The following MAP6D1 variants were observed in gnomAD, a reference collection of about 807,000 sequenced individuals.
MAP6D1 encodes MAP6 domain-containing protein 1.
Under a neutral mutation model 17.4 loss-of-function variants are expected in MAP6D1, and 13 were observed. That is an observed-to-expected ratio of 0.75 (90% CI 0.49 to 1.19). The LOEUF is 1.19. Ranked by LOEUF, MAP6D1 falls within the 50% of genes most tolerant of loss-of-function variation. The pLI is 0.00. For missense variants in MAP6D1, 313 were observed against 312.6 expected (o/e 1.00, Z -0.01); for synonymous variants, 141 against 145.7 (o/e 0.97, Z 0.23).
chr3:183,820,015 GC>G (rs1416337071), intron 1 of MAP6D1: 2 of 152,388 alleles, frequency 1.3e-5, no homozygotes, highest in African/African-American at 4.8e-5. Context: ...TTCAGAGGGG[GC>G]CTGTCAGGTG....
intron 1 of MAP6D1, among the ~76,000 whole-genome samples, chr3:183,818,417 G>A (rs377766619): frequency 1.1e-4 from 16 of 152,212 alleles, no homozygotes; most frequent in African/African-American, 2.9e-4. Flanking sequence ...GCAGGCGAGC[G>A]GCAGGGTCAG....
At position 183,821,147 on chromosome 3, in the gene MAP6D1, G is replaced by A. The variant is rs115311417; in HGVS notation, c.402-3036C>T. On this transcript the variant is annotated intron_variant, in intron 1 of 2. Transcript: ENST00000318631. ...CTGACCCACCTGAATTTACACACCA[G>A]GAGGTAAGAACCCCAACAAGCCCCG... is the stretch of plus-strand genomic sequence containing the variant. 9.0e-3 allele frequency among the ~76,000 whole-genome samples: 1,366 copies of A among 151,986 alleles called. 12 individuals carry two copies. Among genetic ancestry groups the A allele is most frequent in the Middle Eastern group, 0.044 (13 of 294 alleles).
intron 2 of MAP6D1, 60 bp from the exon 3 acceptor site, chr3:183,817,496 C>T (rs1485391929): frequency 7.0e-7 from 1 of 1,434,428 alleles, no homozygotes; most frequent in Admixed American, 2.0e-5. Flanking sequence ...CTACTCTTCC[C>T]CACTACCCAG....
Position 183,823,339 on chromosome 3 carries a change from T to C in MAP6D1, c.401+1808A>G, listed in dbSNP as rs187564304. 9.0e-3 allele frequency among the ~76,000 whole-genome samples: 1,364 copies of C among 150,814 alleles called. 12 individuals are homozygous for C. Among genetic ancestry groups the C allele is most frequent in the Middle Eastern group, 0.044 (13 of 294 alleles). ...TCCCTCATCCGGGCATGGTGGCTCA[T>C]GCCTGTAATCCCAGCACTTTGGGAG... On this transcript the variant is annotated intron_variant, in intron 1 of 2. Transcript: ENST00000318631.
intron 1 of MAP6D1, among the ~76,000 whole-genome samples, chr3:183,818,413 G>A (rs996215736): frequency 7.9e-5 from 12 of 152,204 alleles, no homozygotes; most frequent in South Asian, 2.1e-4. Flanking sequence ...CACTGCAGGC[G>A]AGCGGCAGGG....
Position 183,817,246 on chromosome 3 carries a change from C to T in MAP6D1, c.*110G>A. 8.2e-6 allele frequency: 9 copies of T among 1,094,932 alleles called. No individual in the cohort carries two copies. The highest frequency in any genetic ancestry group is 1.2e-5 in the Non-Finnish European group (9 of 741,572). 67.8% of individuals were successfully genotyped at this position (1,094,932 alleles called of 1,614,324 possible). A position where few individuals can be genotyped will look rare whatever the true frequency, so the allele number is the denominator to read the frequency against. ...GGTGACAGCTTTGAGAGGGGCTGTGCCCTCCCGCAGGGGCCCATGCCATGC... is the reference window on the plus strand; with the variant it reads ...GGTGACAGCTTTGAGAGGGGCTGTGTCCTCCCGCAGGGGCCCATGCCATGC... On this transcript the variant is annotated 3_prime_UTR_variant, in exon 3 of 3. Transcript: ENST00000318631.
chr3:183,820,727 G>A (rs139153796), intron 1 of MAP6D1, among the ~76,000 whole-genome samples: 1,359 of 133,222 alleles, frequency 0.01, 12 homozygotes, highest in Middle Eastern at 0.051. Flanking sequence ...GTGAAACCCC[G>A]TCTCTAGTAA....
chr3:183,825,209 G>T lies in MAP6D1; in HGVS notation c.339C>A (p.Arg113=). The T allele has an allele frequency of 6.9e-7, 1 of 1,438,976 alleles. No homozygotes were observed. The allele number at this position is 1,438,976 out of a possible 1,614,324, so 89.1% of individuals were successfully genotyped here. Reference sequence around the variant, plus strand: ...CGCCGATGGGCAGCACGTAGACCCCGCGGGCGCCGGGCGCAGGTGGCGCGG... The same window carrying T: ...CGCCGATGGGCAGCACGTAGACCCCTCGGGCGCCGGGCGCAGGTGGCGCGG... The part of the protein sequence containing the change: ...QSSAPPAPGA[R]GVYVLPIGDA... Residue 113 remains arginine (R), a synonymous_variant, in exon 1 of 3, where the codon CGC becomes CGA. Coordinates refer to ENST00000318631, the MANE Select transcript of MAP6D1 (RefSeq NM_024871.4).
chr3:183,818,836 G>A (rs1577250190), intron 1 of MAP6D1, among the ~76,000 whole-genome samples: 1 of 152,182 alleles, frequency 6.6e-6, no homozygotes, highest in Non-Finnish European at 1.5e-5. Flanking sequence ...CCTGTGGCGG[G>A]GAGGGTGGTG....
chr3:183,822,687 T>C (rs1727288010), intron 1 of MAP6D1, among the ~76,000 whole-genome samples: 3 of 152,204 alleles, frequency 2.0e-5, no homozygotes, highest in Non-Finnish European at 4.4e-5. Context: ...TTGCATTCAC[T>C]GACACGTCCT....
chr3:183,816,254 C>T lies in MAP6D1; in HGVS notation c.*1102G>A, dbSNP rs961769405. On this transcript the variant is annotated 3_prime_UTR_variant, in exon 3 of 3. Transcript: ENST00000318631. ...TGCCACCACCTGCAGCTTAAATGCT[C>T]GTCTCACTAGAGCCACTTGTGGGCT... 1.3e-5 allele frequency: 2 copies of T among 152,210 alleles called. No homozygotes were observed. Among genetic ancestry groups the T allele is most frequent in the Non-Finnish European group, 2.9e-5 (2 of 68,056 alleles). The allele number at this position is 152,210 out of a possible 1,614,324, so 9.4% of individuals were successfully genotyped here. A position where few individuals can be genotyped will look rare whatever the true frequency, so the allele number is the denominator to read the frequency against.
chr3:183,824,432 C>A (rs2108564373), intron 1 of MAP6D1, among the ~76,000 whole-genome samples: 1 of 152,328 alleles, frequency 6.6e-6, no homozygotes, highest in South Asian at 2.1e-4. Context: ...CAGTAAGAAT[C>A]TAACCACGTA....
At chr3:183,823,506 CAGA>C (rs1300377106) in intron 1 of MAP6D1, among the ~76,000 whole-genome samples, 3 of 152,146 alleles carry the variant, frequency 2.0e-5, no homozygotes, top group African/African-American at 7.2e-5. Flanking sequence ...GAAGCTGAGG[CAGA>C]AGAATTGCTT....
chr3:183,818,284 G>T (rs974289847), intron 1 of MAP6D1, among the ~76,000 whole-genome samples, 173 bp from the exon 2 acceptor site: 1 of 152,182 alleles, frequency 6.6e-6, no homozygotes, highest in Non-Finnish European at 1.5e-5. Flanking sequence ...GTGCACTCCC[G>T]TGCAGGCCCA....
At chr3:183,818,689 T>C (rs904957277) in intron 1 of MAP6D1, among the ~76,000 whole-genome samples, 1 of 152,226 alleles carries the variant, frequency 6.6e-6, no homozygotes, top group Non-Finnish European at 1.5e-5. Context: ...CTCAGAACTT[T>C]TAGTTTTTTA....
intron 1 of MAP6D1, chr3:183,820,548 G>A (rs1051105388): frequency 2.0e-5 from 3 of 152,442 alleles, no homozygotes; most frequent in African/African-American, 7.2e-5. Flanking sequence ...GGCAGATCAT[G>A]AGGTCAAGAG....
In MAP6D1 at chr3:183,817,949, G is replaced by C. The variant is rs752213008; in HGVS notation, c.519+45C>G. The stretch of plus-strand genomic sequence containing the variant: ...GGCTCCTAATCCCTACCCGGGGAAA[G>C]AGGCCTCTATACCCACACCCCTGCT... On this transcript the variant is annotated intron_variant, in intron 2 of 2. Coordinates refer to ENST00000318631, the MANE Select transcript of MAP6D1 (RefSeq NM_024871.4). 21 of 1,443,764 alleles carry C rather than the reference G, an allele frequency of 1.5e-5. 1 individual carries two copies. The highest frequency in any genetic ancestry group is 2.0e-5 in the Non-Finnish European group (21 of 1,030,240). 89.4% of individuals were successfully genotyped at this position (1,443,764 alleles called of 1,614,324 possible). A position where few individuals can be genotyped will look rare whatever the true frequency, so the allele number is the denominator to read the frequency against.
chr3:183,816,362 A>T lies in MAP6D1; in HGVS notation c.*994T>A, dbSNP rs543530650. On this transcript the variant is annotated 3_prime_UTR_variant, in exon 3 of 3. Transcript: ENST00000318631. ...GAGCTTGTACCTCTAAGCTTTAAAA[A>T]GAGACGAAGACCCCTCAAACGTGTG... 14 of 152,402 alleles carry T rather than the reference A, an allele frequency of 9.2e-5. No homozygotes were observed. Among genetic ancestry groups the T allele is most frequent in the African/African-American group, 3.4e-4 (14 of 41,602 alleles). 9.4% of individuals were successfully genotyped at this position (152,402 alleles called of 1,614,324 possible).
At position 183,825,137 on chromosome 3, in the gene MAP6D1, C is replaced by T. The variant is rs1049540407; in HGVS notation, c.401+10G>A. On this transcript the variant is annotated intron_variant, in intron 1 of 2. Transcript: ENST00000318631. ...GTGGGGACTCGTTGCGGTCCCTACC[C>T]AGCCCATACCTGTACGACGTGGTCA... 1.4e-6 allele frequency: 2 copies of T among 1,416,122 alleles called. No homozygotes were observed. The highest frequency in any genetic ancestry group is 1.5e-5 in the African/African-American group (1 of 66,914). The allele number at this position is 1,416,122 out of a possible 1,614,324, so 87.7% of individuals were successfully genotyped here.
Sources: gnomAD v4.1 joint callset for allele counts (sites outside exome capture counted in the v4.1 genomes callset) on GRCh38, gnomAD v4.1.1 for gene constraint, MANE v1.5 for transcripts, NCBI Gene and HGNC (gene_info 2026-07-23, HGNC 2026-07-21) for gene names.